The following FAM107A variants were observed in gnomAD, a reference collection of about 807,000 sequenced individuals.
The protein encoded by FAM107A is actin-associated protein FAM107A.
A neutral mutation model predicts 13.7 loss-of-function variants in FAM107A; 19 were observed. The ratio of observed to expected loss-of-function variants is 1.38; its 90% CI spans 0.97 to 2.03. The LOEUF is 2.03. Ranked by LOEUF, FAM107A falls within the 30% of genes most tolerant of loss-of-function variation. The probability of loss-of-function intolerance (pLI) is 0.00; values close to 1 mark genes in which losing one functional copy is unlikely to be tolerated. For missense variants in FAM107A, 203 were observed against 184.4 expected (o/e 1.10, Z -0.58); for synonymous variants, 82 against 74.5 (o/e 1.10, Z -0.52).
At chr3:58,625,411 CAATCAT>C (rs753987351) in intron 1 of FAM107A, among the ~76,000 whole-genome samples, 3 of 152,162 alleles carry the variant, frequency 2.0e-5, no homozygotes, top group Non-Finnish European at 2.9e-5. Flanking sequence ...AAGAGATCAC[CAATCAT>C]GGAGCGGTTC....
intron 1 of FAM107A, among the ~76,000 whole-genome samples, chr3:58,595,783 C>T (rs1195577890): frequency 6.6e-6 from 1 of 152,170 alleles, no homozygotes; most frequent in Non-Finnish European, 1.5e-5. Flanking sequence ...ATAAGGCCAA[C>T]CTGTATCCAG....
At chr3:58,591,589 G>A (rs1026415764), upstream of FAM107A, among the ~76,000 whole-genome samples, 5 of 152,152 alleles carry the variant, frequency 3.3e-5, no homozygotes, top group Non-Finnish European at 5.9e-5. The surrounding 1 kb of genome is among the most constrained non-coding windows in gnomAD (Gnocchi z 4.3). Flanking sequence ...TGCAGGAACT[G>A]TTCCCTTCAC....
In FAM107A at chr3:58,599,696, A is replaced by ATTTTTTTTTTTTTTTTTTTTTTTTT. The variant is rs57244654; in HGVS notation, c.-69-10452_-69-10428dup. Among the ~76,000 whole-genome samples the ATTTTTTTTTTTTTTTTTTTTTTTTT allele has an allele frequency of 7.6e-5, 6 of 78,598 alleles. 1 individual carries two copies. Among genetic ancestry groups the ATTTTTTTTTTTTTTTTTTTTTTTTT allele is most frequent in the Admixed American group, 1.3e-4 (1 of 7,806 alleles). The allele number at this position is 78,598 out of a possible 152,430, so 51.6% of individuals were successfully genotyped here. Reference sequence around the variant, plus strand: ...GTGGTATACTTAAAACAAGTGCACCATTTTTTTTTTTTTTTTTTTTTTTTT... The same window carrying ATTTTTTTTTTTTTTTTTTTTTTTTT: ...GTGGTATACTTAAAACAAGTGCACCATTTTTTTTTTTTTTTTTTTTTTTTTTTTTTTTTTTTTTTTTTTTTTTTTT... On this transcript the variant is annotated intron_variant, in intron 1 of 3. Coordinates refer to the FAM107A transcript ENST00000465970.
chr3:58,567,387 G>C (rs201927634), intron 2 of FAM107A, 23 bp from the exon 3 acceptor site: 8 of 1,598,598 alleles, frequency 5.0e-6, no homozygotes. Flanking sequence ...GTGGGGAGCT[G>C]TCAGGAGACC....
At chr3:58,592,083 A>G (rs969563263), upstream of FAM107A, among the ~76,000 whole-genome samples, 5 of 152,164 alleles carry the variant, frequency 3.3e-5, no homozygotes, top group African/African-American at 1.2e-4. Context: ...GAACTCCACC[A>G]CCAAGGAGGG....
chr3:58,567,285 T>A lies in FAM107A; in HGVS notation c.250A>T (p.Lys84Ter). Residue 84 changes from lysine to a stop codon, truncating the protein, a stop_gained, in exon 3 of 4, where the codon AAG (lysine) becomes TAG (stop). Transcript: ENST00000360997. LOFTEE classifies it high-confidence loss of function. ...RRRNQLIKKK[K>*]EELEAKRLQC... ...AGCCGCTTGGCTTCCAGCTCCTCCT[T>A]CTTCTTCTTGATGAGCTGGTTCCGC... is the stretch of plus-strand genomic sequence containing the variant. 1.2e-6 allele frequency: 2 copies of A among 1,612,122 alleles called. No individual in the cohort carries two copies. The highest frequency in any genetic ancestry group is 1.7e-6 in the Non-Finnish European group (2 of 1,178,694).
At chr3:58,621,985 G>C (rs2065960172) in intron 1 of FAM107A, among the ~76,000 whole-genome samples, 1 of 152,204 alleles carries the variant, frequency 6.6e-6, no homozygotes, top group Non-Finnish European at 1.5e-5. Flanking sequence ...TACATGCCTA[G>C]CTCAGTGTCA....
At chr3:58,579,395 T>C (rs2065501390), upstream of FAM107A, among the ~76,000 whole-genome samples, 1 of 152,016 alleles carries the variant, frequency 6.6e-6, no homozygotes, top group African/African-American at 2.4e-5. Flanking sequence ...TATAAAACAA[T>C]TTTCTGGAAA....
chr3:58,587,109 G>T, exon 1 of FAM107A: 2 of 1,370,958 alleles, frequency 1.5e-6, no homozygotes, highest in Non-Finnish European at 1.9e-6. Context: ...ACGCCGCCGG[G>T]GGAAGGAGGG....
At chr3:58,588,915 G>T (rs1032892980), upstream of FAM107A, among the ~76,000 whole-genome samples, 7 of 152,156 alleles carry the variant, frequency 4.6e-5, no homozygotes, top group South Asian at 1.5e-3. Flanking sequence ...CTCTCAAAGT[G>T]CTGGGATTAC....
At chr3:58,606,508 C>T (rs1275986531) in intron 1 of FAM107A, among the ~76,000 whole-genome samples, 1 of 152,230 alleles carries the variant, frequency 6.6e-6, no homozygotes, top group Non-Finnish European at 1.5e-5. Context: ...AGTGGCACTT[C>T]ACAAGGTGTA....
At chr3:58,586,659 C>G (rs1220351750) in intron 1 of FAM107A, among the ~76,000 whole-genome samples, 1 of 152,190 alleles carries the variant, frequency 6.6e-6, no homozygotes, top group Non-Finnish European at 1.5e-5. Flanking sequence ...GATTGCACCA[C>G]TGCACTCCAG....
intron 1 of FAM107A, among the ~76,000 whole-genome samples, chr3:58,601,486 T>C (rs2065751972): frequency 1.3e-5 from 2 of 152,274 alleles, no homozygotes; most frequent in South Asian, 4.1e-4. Context: ...CATTATCTAC[T>C]GTTTGCACAA....
chr3:58,609,737 G>T (rs867333683), intron 1 of FAM107A, among the ~76,000 whole-genome samples: 3 of 141,926 alleles, frequency 2.1e-5, no homozygotes, highest in Admixed American at 6.7e-5. Flanking sequence ...GTCATTTTTT[G>T]GGTTCCTCAC....
chr3:58,627,503 A>G (rs2066031172), exon 1 of FAM107A: 1 of 156,426 alleles, frequency 6.4e-6, no homozygotes, highest in Non-Finnish European at 1.4e-5. Flanking sequence ...CTGCGTGCGG[A>G]TGTCAGCTTC....
At chr3:58,609,684 G>A (rs1377843621) in intron 1 of FAM107A, among the ~76,000 whole-genome samples, 5 of 152,148 alleles carry the variant, frequency 3.3e-5, no homozygotes, top group South Asian at 2.1e-4. Flanking sequence ...CAATGACTTC[G>A]CTGAGTCCTC....
Position 58,577,371 on chromosome 3 carries a change from G to A in FAM107A, c.-68C>T, listed in dbSNP as rs533472130. On this transcript the variant is annotated 5_prime_UTR_variant, in exon 1 of 4. Transcript: ENST00000360997. The surrounding 1 kb of genome is among the most constrained non-coding windows in gnomAD (Gnocchi z 4.9). ...GTGTTGCTGGGTTCCTCACTCCACC[G>A]GGAAGTCCCAGACTAGCAAGGAGGG... 4.1e-4 allele frequency: 400 copies of A among 985,306 alleles called. No homozygotes were observed. The highest frequency in any genetic ancestry group is 4.7e-4 in the Non-Finnish European group (392 of 829,960). 61.0% of individuals were successfully genotyped at this position (985,306 alleles called of 1,614,324 possible).
intron 1 of FAM107A, among the ~76,000 whole-genome samples, chr3:58,592,374 A>G (rs114639352): frequency 0.021 from 3,223 of 152,266 alleles, 126 homozygotes; most frequent in African/African-American, 0.074. Flanking sequence ...TCCTTGCCTC[A>G]GGGATTTGAC....
At chr3:58,608,374 A>G (rs919088998) in intron 1 of FAM107A, among the ~76,000 whole-genome samples, 1 of 152,234 alleles carries the variant, frequency 6.6e-6, no homozygotes, top group Non-Finnish European at 1.5e-5. Context: ...GGGCTTGTCT[A>G]AGGTCACATA....
Sources: allele counts gnomAD v4.1 joint callset (sites outside exome capture counted in the v4.1 genomes callset), GRCh38; gene constraint gnomAD v4.1.1; non-coding constraint Gnocchi (gnomAD v3.1); transcripts MANE v1.5; gene names NCBI Gene and HGNC (gene_info 2026-07-23, HGNC 2026-07-21).